Variants in HTR7 observed in about 807,000 individuals in gnomAD.
HTR7 encodes the protein 5-HT-7.
A neutral mutation model predicts 34.0 loss-of-function variants in HTR7; 16 were observed. The observed-to-expected ratio is 0.47, with a 90% CI of 0.32 to 0.71. The LOEUF (loss-of-function observed/expected upper bound fraction) is 0.71, where lower values mean the gene tolerates loss of function less well. HTR7 is among the 30% of genes least tolerant of loss of function. The pLI is 0.04. For synonymous variants in HTR7, 265 were observed against 260.2 expected (o/e 1.02, Z -0.18); for missense variants, 504 against 625.5 (o/e 0.81, Z 2.07).
intron 1 of HTR7, among the ~76,000 whole-genome samples, chr10:90,766,054 T>C (rs1845017716): frequency 6.6e-6 from 1 of 152,184 alleles, no homozygotes; most frequent in Non-Finnish European, 1.5e-5. Flanking sequence ...ACAGTTCTGC[T>C]CATATCTGGG....
chr10:90,748,792 TA>T, intron 2 of HTR7, 46 bp downstream of exon 2: 1 of 1,547,292 alleles, frequency 6.5e-7, no homozygotes, highest in Non-Finnish European at 8.7e-7. Context: ...AAAAGCTGCA[TA>T]AAAGGGTTTG....
At chr10:90,806,441 T>C (rs1234684677) in intron 1 of HTR7, among the ~76,000 whole-genome samples, 7 of 151,820 alleles carry the variant, frequency 4.6e-5, no homozygotes, top group South Asian at 2.1e-4. Flanking sequence ...TACTAAAAAA[T>C]ACAAAAAATT....
At chr10:90,809,201 T>C (rs12761148) in intron 1 of HTR7, among the ~76,000 whole-genome samples, 41,687 of 151,816 alleles carry the variant, frequency 0.27, 6,211 homozygotes, top group African/African-American at 0.4. Context: ...ACACCCGGTC[T>C]GGCTTACAGT....
intron 1 of HTR7, among the ~76,000 whole-genome samples, chr10:90,837,081 T>C (rs1350903598): frequency 2.0e-5 from 3 of 152,160 alleles, no homozygotes; most frequent in Non-Finnish European, 2.9e-5. Context: ...CCAGCTTCCC[T>C]ACTATACCCC....
Position 90,809,129 on chromosome 10 carries a change from T to C in HTR7, c.539+48004A>G, listed in dbSNP as rs149338054. Among the ~76,000 whole-genome samples, 37 of 152,160 alleles carry C rather than the reference T, an allele frequency of 2.4e-4. 1 individual carries two copies. The East Asian group carries it at 7.0e-3, about 29-fold the overall frequency. On this transcript the variant is annotated intron_variant, in intron 1 of 3. Coordinates refer to ENST00000336152, the MANE Select transcript of HTR7 (RefSeq NM_019859.4). ...CCCCTCCTCGCCAGGCCGAGCTAAG[T>C]CCCAATTCTTCCTCAGCCCCCTCTT...
chr10:90,804,257 C>A (rs537026157), intron 1 of HTR7, among the ~76,000 whole-genome samples: 2 of 152,148 alleles, frequency 1.3e-5, no homozygotes, highest in East Asian at 1.9e-4. Context: ...AAAACCTCCA[C>A]GTTCACCATC....
chr10:90,806,524 G>A (rs985839999), intron 1 of HTR7, among the ~76,000 whole-genome samples: 22 of 152,080 alleles, frequency 1.4e-4, no homozygotes, highest in Admixed American at 2.6e-4. Context: ...GCGTGAACCC[G>A]GGAGGCGGAG....
chr10:90,847,021 C>T (rs983283821), intron 1 of HTR7, among the ~76,000 whole-genome samples: 4 of 152,218 alleles, frequency 2.6e-5, no homozygotes, highest in Admixed American at 2.0e-4. Flanking sequence ...GCTCCTTTGA[C>T]TGGAATGTTC....
chr10:90,752,516 C>T (rs1423672723), intron 1 of HTR7, among the ~76,000 whole-genome samples: 1 of 151,904 alleles, frequency 6.6e-6, no homozygotes, highest in African/African-American at 2.4e-5. Context: ...AATGAATAAA[C>T]TGGCATGGCT....
intron 1 of HTR7, among the ~76,000 whole-genome samples, chr10:90,769,312 G>A (rs920602668): frequency 3.3e-5 from 5 of 152,120 alleles, no homozygotes; most frequent in African/African-American, 9.7e-5. Context: ...TAAGGAAGTC[G>A]TATGGAAAGT....
At chr10:90,775,781 A>G (rs1845196651) in intron 1 of HTR7, among the ~76,000 whole-genome samples, 1 of 152,148 alleles carries the variant, frequency 6.6e-6, no homozygotes, top group Non-Finnish European at 1.5e-5. Flanking sequence ...CAGTTACAAG[A>G]ACAGTGCTTT....
chr10:90,840,454 G>A (rs982955606), intron 1 of HTR7, among the ~76,000 whole-genome samples: 1 of 152,142 alleles, frequency 6.6e-6, no homozygotes, highest in African/African-American at 2.4e-5. Flanking sequence ...CAAACATGCA[G>A]AAAACTTAGC....
chr10:90,808,239 C>T (rs1027820477), intron 1 of HTR7, among the ~76,000 whole-genome samples: 1 of 151,850 alleles, frequency 6.6e-6, no homozygotes, highest in Non-Finnish European at 1.5e-5. Context: ...TGTGTCTCTA[C>T]CCCGTCTCCA....
At chr10:90,838,662 A>T (rs150639917) in intron 1 of HTR7, among the ~76,000 whole-genome samples, 1 of 152,030 alleles carries the variant, frequency 6.6e-6, no homozygotes, top group African/African-American at 2.4e-5. Flanking sequence ...CTCTAATCTC[A>T]TCTCCTTCCA....
chr10:90,805,798 C>T (rs72810806), intron 1 of HTR7, among the ~76,000 whole-genome samples: 29 of 152,298 alleles, frequency 1.9e-4, no homozygotes, highest in Non-Finnish European at 3.1e-4. Context: ...TATGAAAGCA[C>T]TCTAATCAAT....
intron 2 of HTR7, among the ~76,000 whole-genome samples, chr10:90,745,660 T>A (rs946987140): frequency 2.6e-5 from 4 of 152,220 alleles, no homozygotes; most frequent in African/African-American, 9.6e-5. Context: ...CTTAATGAAG[T>A]AGATATTCTG....
chr10:90,761,442 T>G (rs895812748), intron 1 of HTR7, among the ~76,000 whole-genome samples: 1 of 152,184 alleles, frequency 6.6e-6, no homozygotes, highest in Non-Finnish European at 1.5e-5. Flanking sequence ...TGATGGACTC[T>G]TCCAGGATTT....
intron 1 of HTR7, among the ~76,000 whole-genome samples, chr10:90,810,305 C>T (rs185978656): frequency 2.0e-5 from 3 of 152,200 alleles, no homozygotes; most frequent in Admixed American, 6.5e-5. Flanking sequence ...TGTATCCCCC[C>T]ACCTTAACCC....
chr10:90,819,850 T>TAAA (rs374696872), intron 1 of HTR7, among the ~76,000 whole-genome samples: 1 of 141,972 alleles, frequency 7.0e-6, no homozygotes, highest in Non-Finnish European at 1.5e-5. Context: ...ATTCCCATCT[T>TAAA]AAAAAAAAAA....
Sources: gnomAD v4.1 joint callset for allele counts (sites outside exome capture counted in the v4.1 genomes callset) on GRCh38, gnomAD v4.1.1 for gene constraint, MANE v1.5 for transcripts, NCBI Gene and HGNC (gene_info 2026-07-23, HGNC 2026-07-21) for gene names.